The following LRP1B variants were observed in gnomAD, a reference collection of about 807,000 sequenced individuals.
The protein encoded by LRP1B is LDL receptor related protein 1B, also known as low-density lipoprotein receptor-related protein 1B.
In LRP1B, 217 loss-of-function variants were observed where a neutral mutation model predicts 556.6. The ratio of observed to expected loss-of-function variants is 0.39; its 90% CI spans 0.35 to 0.44. LRP1B has a LOEUF of 0.44. LRP1B is among the 20% of genes least tolerant of loss of function. LRP1B has a pLI of 1.00. For synonymous variants in LRP1B, 2,047 were observed against 1,865.8 expected (o/e 1.10, Z -2.50); for missense variants, 5,053 against 5,620.8 (o/e 0.90, Z 3.23).
intron 66 of LRP1B, 119 bp downstream of exon 66, chr2:140,442,383 CAA>C (rs1686467884): frequency 7.7e-7 from 1 of 1,305,630 alleles, no homozygotes; most frequent in Admixed American, 2.7e-5. Context: ...AACACAGAGA[CAA>C]AACCTTTTCA....
intron 59 of LRP1B, among the ~76,000 whole-genome samples, chr2:140,479,513 C>T (rs1172409461): frequency 1.3e-5 from 2 of 152,034 alleles, no homozygotes; most frequent in Admixed American, 6.6e-5. Flanking sequence ...TAACAATAGG[C>T]CTCTGTGAAT....
chr2:141,993,377 C>T (rs910054336), intron 1 of LRP1B, among the ~76,000 whole-genome samples: 1 of 152,098 alleles, frequency 6.6e-6, no homozygotes, highest in Non-Finnish European at 1.5e-5. Flanking sequence ...ATCACCATCT[C>T]CCATTGCTTG....
intron 1 of LRP1B, among the ~76,000 whole-genome samples, chr2:141,983,226 T>C (rs1255274330): frequency 6.6e-6 from 1 of 152,164 alleles, no homozygotes; most frequent in Non-Finnish European, 1.5e-5. Context: ...TATTTTTCTA[T>C]AGATACTTTG....
At chr2:140,336,513 G>C (rs953354476) in intron 77 of LRP1B, among the ~76,000 whole-genome samples, 5 of 151,640 alleles carry the variant, frequency 3.3e-5, no homozygotes, top group Non-Finnish European at 5.9e-5. Context: ...TTTTCAAAGA[G>C]TTTGTAGCAA....
At chr2:141,266,823 C>A (rs569231540) in intron 3 of LRP1B, among the ~76,000 whole-genome samples, 3 of 151,986 alleles carry the variant, frequency 2.0e-5, no homozygotes, top group Non-Finnish European at 4.4e-5. Context: ...ATTTATTTTA[C>A]AAATTATAAA....
At chr2:142,039,822 T>C (rs1253354116) in intron 1 of LRP1B, among the ~76,000 whole-genome samples, 1 of 151,590 alleles carries the variant, frequency 6.6e-6, no homozygotes, top group African/African-American at 2.4e-5. Flanking sequence ...ATATTTTGTA[T>C]TGAAGTCATT....
intron 20 of LRP1B, among the ~76,000 whole-genome samples, chr2:140,942,797 T>C (rs1695438942): frequency 6.6e-6 from 1 of 151,986 alleles, no homozygotes; most frequent in Admixed American, 6.6e-5. Flanking sequence ...GTTCTAAACA[T>C]GAAAATAAAA....
At chr2:141,024,295 C>G (rs1359488756) in intron 11 of LRP1B, among the ~76,000 whole-genome samples, 1 of 152,028 alleles carries the variant, frequency 6.6e-6, no homozygotes, top group Non-Finnish European at 1.5e-5. Context: ...TTCCAGATTT[C>G]TCCTTAGCTG....
chr2:141,508,544 G>C (rs1400506734), intron 2 of LRP1B, among the ~76,000 whole-genome samples: 1 of 152,128 alleles, frequency 6.6e-6, no homozygotes, highest in African/African-American at 2.4e-5. Flanking sequence ...TACATAGCTA[G>C]TGAATGACAC....
chr2:141,381,516 G>A (rs1573880290), intron 3 of LRP1B, among the ~76,000 whole-genome samples: 1 of 151,942 alleles, frequency 6.6e-6, no homozygotes, highest in African/African-American at 2.4e-5. Flanking sequence ...CAAACTTGGG[G>A]AACAGAATGA....
intron 35 of LRP1B, among the ~76,000 whole-genome samples, chr2:140,759,577 A>T (rs1396071127): frequency 1.3e-5 from 2 of 152,234 alleles, no homozygotes; most frequent in East Asian, 1.9e-4. Flanking sequence ...GAGACTGCCC[A>T]GTATCCTAGA....
At chr2:141,796,364 C>T (rs1252960788) in intron 2 of LRP1B, among the ~76,000 whole-genome samples, 2 of 151,984 alleles carry the variant, frequency 1.3e-5, no homozygotes, top group Non-Finnish European at 2.9e-5. Flanking sequence ...ATATCCATCA[C>T]TACAGCAATG....
chr2:141,103,251 G>C (rs1375522997), intron 7 of LRP1B, among the ~76,000 whole-genome samples: 1 of 152,038 alleles, frequency 6.6e-6, no homozygotes, highest in Non-Finnish European at 1.5e-5. Context: ...ACATCATCCA[G>C]AGTGCAGTAG....
At chr2:140,322,965 A>G (rs1042778948) in intron 81 of LRP1B, among the ~76,000 whole-genome samples, 13 of 152,102 alleles carry the variant, frequency 8.5e-5, no homozygotes, top group African/African-American at 3.1e-4. Flanking sequence ...TTGGAACCTT[A>G]TATGCCAAAT....
At chr2:141,258,186 T>A (rs2105346796) in intron 3 of LRP1B, among the ~76,000 whole-genome samples, 1 of 152,258 alleles carries the variant, frequency 6.6e-6, no homozygotes, top group East Asian at 1.9e-4. Context: ...ATCCTTTTGA[T>A]TAGAAGAGAG....
At chr2:141,398,949 C>A (rs1690346666) in intron 3 of LRP1B, among the ~76,000 whole-genome samples, 1 of 152,092 alleles carries the variant, frequency 6.6e-6, no homozygotes, top group Admixed American at 6.6e-5. Context: ...TATAGTTCAC[C>A]TTTTGATGTA....
intron 3 of LRP1B, among the ~76,000 whole-genome samples, chr2:141,388,005 G>GC (rs541755042): frequency 9.2e-5 from 14 of 152,158 alleles, no homozygotes; most frequent in Admixed American, 7.9e-4. Flanking sequence ...CTATACAAAT[G>GC]CAAGATTGGT....
chr2:141,236,950 T>C (rs1281404206), intron 5 of LRP1B, among the ~76,000 whole-genome samples: 1 of 152,186 alleles, frequency 6.6e-6, no homozygotes, highest in Non-Finnish European at 1.5e-5. Flanking sequence ...ATTAATTTCA[T>C]TTGTTTTTAT....
chr2:140,364,827 A>G (rs1682679841), intron 71 of LRP1B, 44 bp from the exon 72 acceptor site: 2 of 1,584,070 alleles, frequency 1.3e-6, no homozygotes, highest in African/African-American at 2.7e-5. Context: ...CAGAGTAATC[A>G]GTGCCAGTCA....
Sources: gnomAD v4.1 joint callset for allele counts (sites outside exome capture counted in the v4.1 genomes callset) on GRCh38, gnomAD v4.1.1 for gene constraint, MANE v1.5 for transcripts, NCBI Gene and HGNC (gene_info 2026-07-23, HGNC 2026-07-21) for gene names.